Variants in GTF2F2 observed in about 807,000 individuals in gnomAD.
The protein encoded by GTF2F2 is general transcription factor IIF subunit 2.
GTF2F2 carries 23 observed loss-of-function variants against 42.2 expected under a neutral mutation model. The observed-to-expected ratio is 0.55, with a 90% CI of 0.39 to 0.77. The LOEUF (loss-of-function observed/expected upper bound fraction) is 0.77. Ranked by LOEUF, GTF2F2 falls within the 30% of genes least tolerant of loss-of-function variation. The pLI is 0.00. For synonymous variants in GTF2F2, 105 were observed against 100.8 expected, an observed-to-expected ratio of 1.04 and a Z score of -0.25; for missense variants, 261 against 287.2, an observed-to-expected ratio of 0.91 and a Z score of 0.66.
intron 4 of GTF2F2, among the ~76,000 whole-genome samples, chr13:45,156,570 A>C (rs1352236373): frequency 5.9e-5 from 9 of 152,238 alleles, no homozygotes; most frequent in African/African-American, 2.2e-4. Flanking sequence ...AAAAGATAGA[A>C]CATGGGATAA....
chr13:45,196,013 A>C (rs1458588788), intron 4 of GTF2F2, among the ~76,000 whole-genome samples: 1 of 152,208 alleles, frequency 6.6e-6, no homozygotes, highest in Non-Finnish European at 1.5e-5. Context: ...GTATTTTAAA[A>C]TTATTTAACT....
chr13:45,195,202 A>G (rs1240377781), intron 4 of GTF2F2, among the ~76,000 whole-genome samples: 2 of 152,170 alleles, frequency 1.3e-5, no homozygotes, highest in Non-Finnish European at 2.9e-5. Flanking sequence ...TTGGATTTGC[A>G]TATGATTCTG....
intron 4 of GTF2F2, among the ~76,000 whole-genome samples, chr13:45,178,745 C>T (rs1872004448): frequency 6.6e-6 from 1 of 152,090 alleles, no homozygotes; most frequent in Admixed American, 6.6e-5. Context: ...TAATTTATAA[C>T]AAATCACCAC....
intron 5 of GTF2F2, among the ~76,000 whole-genome samples, chr13:45,213,567 A>G (rs1232970608): frequency 2.0e-5 from 3 of 152,232 alleles, no homozygotes; most frequent in African/African-American, 7.2e-5. Flanking sequence ...TTGGGAATTC[A>G]TAGTTGTATC....
At chr13:45,141,658 G>A (rs1431218931) in intron 2 of GTF2F2, among the ~76,000 whole-genome samples, 4 of 152,146 alleles carry the variant, frequency 2.6e-5, no homozygotes, top group Non-Finnish European at 5.9e-5. Context: ...AATACTGTGT[G>A]TGTGTGTTTT....
At chr13:45,135,405 A>G (rs1869566098) in intron 1 of GTF2F2, among the ~76,000 whole-genome samples, 1 of 151,876 alleles carries the variant, frequency 6.6e-6, no homozygotes, top group Admixed American at 6.6e-5. Context: ...GATTACAGGC[A>G]CGCACGACCA....
intron 5 of GTF2F2, among the ~76,000 whole-genome samples, chr13:45,231,881 C>G (rs1021244574): frequency 7.2e-5 from 11 of 152,188 alleles, no homozygotes; most frequent in African/African-American, 2.6e-4. Context: ...TAGCCATTTG[C>G]TATATTTACT....
Position 45,120,673 on chromosome 13 carries a change from A to G in GTF2F2, c.18A>G (p.Glu6=). Residue 6 remains glutamate, a synonymous_variant, in exon 1 of 8, where the codon GAA becomes GAG. Transcript: ENST00000340473. MAERG[E]LDLTGAKQNT... is the part of the protein sequence containing the mutation. ...GCAGACCCATGGCCGAGCGCGGGGAACTCGACTTGACCGGCGCCAAACAGA... is the reference window on the plus strand; with the variant it reads ...GCAGACCCATGGCCGAGCGCGGGGAGCTCGACTTGACCGGCGCCAAACAGA... The G allele has an allele frequency of 6.4e-7, 1 of 1,560,634 alleles. No individual in the cohort carries two copies. Among genetic ancestry groups the G allele is most frequent in the Non-Finnish European group, 8.7e-7 (1 of 1,151,516 alleles).
chr13:45,191,224 A>AAAAAAT lies in GTF2F2; in HGVS notation c.305-16199_305-16198insAAAATA. Among the ~76,000 whole-genome samples the AAAAAAT allele has an allele frequency of 4.6e-3, 347 of 75,278 alleles. 4 individuals carry two copies. The highest frequency in any genetic ancestry group is 0.012 in the African/African-American group (117 of 9,994). 49.4% of individuals were successfully genotyped at this position (75,278 alleles called of 152,430 possible). On this transcript the variant is annotated intron_variant, in intron 4 of 7. Transcript: ENST00000340473. Reference sequence around the variant, plus strand: ...GTCTCTACTAAAAATACAAAAAAAAAATATATATATATATATATATATATA... The same window carrying AAAAAAT: ...GTCTCTACTAAAAATACAAAAAAAAAAAAAATATATATATATATATATATATATATA...
intron 2 of GTF2F2, among the ~76,000 whole-genome samples, chr13:45,149,480 G>C (rs1050148427): frequency 4.0e-5 from 6 of 148,318 alleles, no homozygotes; most frequent in Non-Finnish European, 7.5e-5. Context: ...AAAGAAAAAA[G>C]AATTGTAATA....
At chr13:45,170,276 T>A (rs887955159) in intron 4 of GTF2F2, among the ~76,000 whole-genome samples, 1 of 152,224 alleles carries the variant, frequency 6.6e-6, no homozygotes, top group Non-Finnish European at 1.5e-5. Flanking sequence ...CCTGCCAAAG[T>A]GTTGGGATTA....
At chr13:45,237,564 T>A (rs1182834155) in intron 5 of GTF2F2, among the ~76,000 whole-genome samples, 1 of 152,196 alleles carries the variant, frequency 6.6e-6, no homozygotes, top group Non-Finnish European at 1.5e-5. Context: ...GTTATCTCAC[T>A]TATTTCTGTT....
At chr13:45,260,146 C>G (rs1038509263) in intron 6 of GTF2F2, among the ~76,000 whole-genome samples, 2 of 152,116 alleles carry the variant, frequency 1.3e-5, no homozygotes, top group African/African-American at 4.8e-5. Flanking sequence ...TGCATATATG[C>G]TCTGTTCCCT....
At chr13:45,201,674 C>A (rs1270126343) in intron 4 of GTF2F2, among the ~76,000 whole-genome samples, 1 of 152,144 alleles carries the variant, frequency 6.6e-6, no homozygotes, top group Non-Finnish European at 1.5e-5. Context: ...AAATTACCAT[C>A]ATCAAAGATG....
intron 5 of GTF2F2, among the ~76,000 whole-genome samples, chr13:45,211,465 C>T (rs760670825): frequency 6.7e-6 from 1 of 150,354 alleles, no homozygotes; most frequent in Non-Finnish European, 1.5e-5. Flanking sequence ...GACAGGATCT[C>T]ACTATGTTGC....
At chr13:45,137,972 C>T (rs1215694589) in intron 2 of GTF2F2, among the ~76,000 whole-genome samples, 3 of 152,138 alleles carry the variant, frequency 2.0e-5, no homozygotes, top group African/African-American at 7.2e-5. Flanking sequence ...GCACATGTTC[C>T]TTTTCATAAT....
chr13:45,181,200 A>AAAAAAAAAAAC lies in GTF2F2; in HGVS notation c.305-26221_305-26220insAAAAAAACAAA, dbSNP rs766375703. Among the ~76,000 whole-genome samples, 305 of 132,626 alleles carry AAAAAAAAAAAC rather than the reference A, an allele frequency of 2.3e-3. 10 individuals carry two copies. The highest frequency in any genetic ancestry group is 3.9e-3 in the Middle Eastern group (1 of 258). The allele number at this position is 132,626 out of a possible 152,430, so 87.0% of individuals were successfully genotyped here. ...AAAAAACAAACAAACAAAAAAAAAA[A>AAAAAAAAAAAC]AAACCAGAAAAACCAAAGGTGATAT... On this transcript the variant is annotated intron_variant, in intron 4 of 7. Coordinates refer to ENST00000340473, the MANE Select transcript of GTF2F2 (RefSeq NM_004128.3).
chr13:45,269,627 G>C (rs556517572), intron 7 of GTF2F2, among the ~76,000 whole-genome samples: 2 of 152,206 alleles, frequency 1.3e-5, no homozygotes, highest in Non-Finnish European at 2.9e-5. Context: ...TCCAGGAAAG[G>C]GGGTGTTCTG....
intron 5 of GTF2F2, among the ~76,000 whole-genome samples, chr13:45,242,259 T>A (rs1276554023): frequency 6.9e-6 from 1 of 145,598 alleles, no homozygotes; most frequent in African/African-American, 2.6e-5. Context: ...GGCACTTCTT[T>A]TTTTTTTTTT....
Sources: allele counts gnomAD v4.1 joint callset (sites outside exome capture counted in the v4.1 genomes callset), GRCh38; gene constraint gnomAD v4.1.1; transcripts MANE v1.5; gene names NCBI Gene and HGNC (gene_info 2026-07-23, HGNC 2026-07-21).